The following KIAA1958 variants were observed in gnomAD, a reference collection of about 807,000 sequenced individuals.
KIAA1958 encodes the protein uncharacterized protein KIAA1958.
Under a neutral mutation model 47.2 loss-of-function variants are expected in KIAA1958, and 14 were observed. The ratio of observed to expected loss-of-function variants is 0.30; its 90% confidence interval spans 0.20 to 0.46. The LOEUF (loss-of-function observed/expected upper bound fraction) is 0.46. Ranked by LOEUF, KIAA1958 falls within the 20% of genes least tolerant of loss-of-function variation. KIAA1958 has a pLI of 1.00. For missense variants in KIAA1958, 803 were observed against 909.2 expected (o/e 0.88, Z 1.50); for synonymous variants, 354 against 353.3 (o/e 1.00, Z -0.02).
At chr9:112,616,275 G>T (rs1836406849) in intron 2 of KIAA1958, among the ~76,000 whole-genome samples, 1 of 152,180 alleles carries the variant, frequency 6.6e-6, no homozygotes, top group Admixed American at 6.5e-5. Flanking sequence ...CCTCAAAAAT[G>T]TGCCTATAAA....
intron 2 of KIAA1958, among the ~76,000 whole-genome samples, chr9:112,598,061 G>T (rs1836063467): frequency 6.6e-6 from 1 of 152,150 alleles, no homozygotes; most frequent in Non-Finnish European, 1.5e-5. Context: ...TAGACATGCT[G>T]TGGTAGGAAA....
intron 1 of KIAA1958, among the ~76,000 whole-genome samples, chr9:112,540,717 TTTTG>T (rs1479518288): frequency 6.6e-6 from 1 of 151,686 alleles, no homozygotes; most frequent in East Asian, 1.9e-4. Context: ...TTTCTTTCCT[TTTTG>T]TTTTTTTTTT....
In KIAA1958 at chr9:112,663,011, G is replaced by T. The variant is rs2131258130; in HGVS notation, c.*2942G>T. 6.6e-6 allele frequency: 1 copy of T among 152,316 alleles called. No individual in the cohort carries two copies. The highest frequency in any genetic ancestry group is 1.9e-4 in the East Asian group (1 of 5,176). 9.4% of individuals were successfully genotyped at this position (152,316 alleles called of 1,614,324 possible). On this transcript the variant is annotated 3_prime_UTR_variant, in exon 4 of 4. Coordinates refer to ENST00000337530, the MANE Select transcript of KIAA1958 (RefSeq NM_133465.4). ...GAGAATCCCCAGAGAAAGAAGTGGGGAGGTAAAGAGCGTTTTCTCCACTTA... is the reference window on the plus strand; with the variant it reads ...GAGAATCCCCAGAGAAAGAAGTGGGTAGGTAAAGAGCGTTTTCTCCACTTA...
intron 2 of KIAA1958, among the ~76,000 whole-genome samples, chr9:112,629,170 A>G (rs1344819330): frequency 6.6e-6 from 1 of 152,178 alleles, no homozygotes; most frequent in Non-Finnish European, 1.5e-5. Flanking sequence ...CAATTTAGTC[A>G]CTATAATTTA....
chr9:112,495,487 A>G (rs936357459), intron 1 of KIAA1958, among the ~76,000 whole-genome samples: 3 of 152,242 alleles, frequency 2.0e-5, no homozygotes, highest in Non-Finnish European at 2.9e-5. Context: ...TACACTCACT[A>G]GAATGGCTAA....
intron 2 of KIAA1958, among the ~76,000 whole-genome samples, chr9:112,632,378 A>G (rs927531911): frequency 2.6e-5 from 4 of 152,016 alleles, no homozygotes; most frequent in Non-Finnish European, 4.4e-5. Flanking sequence ...TCATCTCCTA[A>G]TGGGTTTTGG....
chr9:112,593,795 A>G (rs1835966391), intron 2 of KIAA1958, among the ~76,000 whole-genome samples: 1 of 152,150 alleles, frequency 6.6e-6, no homozygotes, highest in South Asian at 2.1e-4. Context: ...TTCTTGTGAC[A>G]GAATACCCTC....
intron 2 of KIAA1958, among the ~76,000 whole-genome samples, chr9:112,583,010 T>C (rs1373084493): frequency 1.3e-5 from 2 of 152,198 alleles, no homozygotes; most frequent in Non-Finnish European, 2.9e-5. Context: ...CCAGGTGATT[T>C]TGTATGCGCA....
intron 2 of KIAA1958, among the ~76,000 whole-genome samples, chr9:112,644,574 A>G (rs1328497042): frequency 1.3e-5 from 2 of 151,908 alleles, no homozygotes; most frequent in Admixed American, 6.6e-5. Flanking sequence ...CAGGGTCTTA[A>G]GAAAAGCCAG....
intron 1 of KIAA1958, among the ~76,000 whole-genome samples, chr9:112,520,930 A>T: frequency 6.6e-6 from 1 of 151,948 alleles, no homozygotes; most frequent in South Asian, 2.1e-4. Flanking sequence ...ATTTCTTTAA[A>T]TCTTTTTTTT....
chr9:112,513,621 C>T (rs1180430105), intron 1 of KIAA1958, among the ~76,000 whole-genome samples: 12 of 130,782 alleles, frequency 9.2e-5, no homozygotes, highest in African/African-American at 2.8e-4. Flanking sequence ...CAGCCGCCGC[C>T]GCCCGACCGC....
At chr9:112,522,344 G>T (rs903808163) in intron 1 of KIAA1958, among the ~76,000 whole-genome samples, 2 of 152,172 alleles carry the variant, frequency 1.3e-5, no homozygotes, top group Non-Finnish European at 2.9e-5. Flanking sequence ...TCAGATAAGG[G>T]ATCTTACTCT....
chr9:112,541,892 AAG>A (rs1834951206), intron 1 of KIAA1958, among the ~76,000 whole-genome samples: 1 of 152,246 alleles, frequency 6.6e-6, no homozygotes, highest in Non-Finnish European at 1.5e-5. Flanking sequence ...ATGTGCCCAA[AAG>A]AGTTTCACTG....
At chr9:112,616,867 C>T (rs1836415498) in intron 2 of KIAA1958, among the ~76,000 whole-genome samples, 1 of 152,174 alleles carries the variant, frequency 6.6e-6, no homozygotes, top group Non-Finnish European at 1.5e-5. Context: ...CTGCCTAGGA[C>T]ACAAGCACTA....
chr9:112,632,877 C>T (rs1836735246), intron 2 of KIAA1958, among the ~76,000 whole-genome samples: 2 of 148,142 alleles, frequency 1.4e-5, no homozygotes, highest in Admixed American at 1.4e-4. Context: ...ATCCCCAAAT[C>T]ATGAAAATCT....
At chr9:112,496,649 C>G (rs1156982187) in intron 1 of KIAA1958, among the ~76,000 whole-genome samples, 2 of 152,164 alleles carry the variant, frequency 1.3e-5, no homozygotes, top group African/African-American at 4.8e-5. Context: ...CTGGGTATCT[C>G]TTTCCTTTAT....
intron 1 of KIAA1958, among the ~76,000 whole-genome samples, chr9:112,573,475 C>T (rs1358278412): frequency 6.6e-6 from 1 of 152,170 alleles, no homozygotes; most frequent in Non-Finnish European, 1.5e-5. Flanking sequence ...CTTCTCAAAT[C>T]GAGCCCCTCA....
intron 1 of KIAA1958, among the ~76,000 whole-genome samples, chr9:112,568,805 C>T (rs990475155): frequency 7.3e-5 from 11 of 149,894 alleles, no homozygotes; most frequent in South Asian, 2.1e-4. Context: ...GGAGGGTTAC[C>T]GGAGCCCAGG....
intron 1 of KIAA1958, among the ~76,000 whole-genome samples, chr9:112,536,251 G>C (rs911234757): frequency 6.6e-6 from 1 of 152,168 alleles, no homozygotes; most frequent in Admixed American, 6.5e-5. Context: ...TTTAGAAACA[G>C]TACAAGACCC....
Sources: gnomAD v4.1 joint callset for allele counts (sites outside exome capture counted in the v4.1 genomes callset) on GRCh38, gnomAD v4.1.1 for gene constraint, MANE v1.5 for transcripts, NCBI Gene and HGNC (gene_info 2026-07-23, HGNC 2026-07-21) for gene names.